MARCHF11: variants seen among roughly 807,000 people sequenced by gnomAD.
MARCHF11 encodes the protein membrane associated ring-CH-type finger 11, also known as E3 ubiquitin-protein ligase MARCHF11.
A neutral mutation model predicts 37.3 loss-of-function variants in MARCHF11; 29 were observed. That is an observed-to-expected ratio of 0.78 (90% confidence interval 0.58 to 1.06). The LOEUF (loss-of-function observed/expected upper bound fraction) is 1.06, where lower values mean the gene tolerates loss of function less well. Among genes scored for constraint, MARCHF11 ranks in the 50% least tolerant of loss-of-function variants. MARCHF11 has a pLI of 0.00. For missense variants in MARCHF11, 482 were observed against 533.4 expected, an observed-to-expected ratio of 0.90 and a Z score of 0.95; for synonymous variants, 233 against 228.0, an observed-to-expected ratio of 1.02 and a Z score of -0.20.
intron 2 of MARCHF11, among the ~76,000 whole-genome samples, chr5:16,102,813 GTTCCTGCCAGGA>G (rs1736980372): frequency 6.6e-6 from 1 of 152,176 alleles, no homozygotes; most frequent in Admixed American, 6.5e-5. Context: ...TTTGGGGTTT[GTTCCTGCCAGGA>G]CCCAAAGGCA....
chr5:16,126,823 C>T (rs1013470496), intron 2 of MARCHF11, among the ~76,000 whole-genome samples: 3 of 152,272 alleles, frequency 2.0e-5, no homozygotes, highest in South Asian at 2.1e-4. Context: ...CCTTAAGGAA[C>T]GGTATTTTCA....
intron 2 of MARCHF11, among the ~76,000 whole-genome samples, chr5:16,161,761 T>C (rs1738081336): frequency 6.6e-6 from 1 of 151,998 alleles, no homozygotes; most frequent in African/African-American, 2.4e-5. Context: ...CCATTGTGTG[T>C]CTTTCCCAGT....
intron 2 of MARCHF11, among the ~76,000 whole-genome samples, chr5:16,115,353 A>G (rs1008853786): frequency 6.6e-6 from 1 of 152,184 alleles, no homozygotes; most frequent in Admixed American, 6.5e-5. Context: ...CTTCCTTCTC[A>G]GCTGAGGACG....
At chr5:16,115,178 G>C (rs1350832321) in intron 2 of MARCHF11, among the ~76,000 whole-genome samples, 3 of 152,168 alleles carry the variant, frequency 2.0e-5, no homozygotes, top group African/African-American at 7.2e-5. Flanking sequence ...ATGAAGTATC[G>C]AGCCAATTTA....
intron 2 of MARCHF11, among the ~76,000 whole-genome samples, chr5:16,174,416 C>G (rs1240805150): frequency 6.6e-6 from 1 of 152,192 alleles, no homozygotes; most frequent in African/African-American, 2.4e-5. Context: ...GGTCATGCTG[C>G]CGAGCATCAC....
intron 3 of MARCHF11, among the ~76,000 whole-genome samples, chr5:16,070,073 A>G (rs1231843086): frequency 6.6e-6 from 1 of 152,228 alleles, no homozygotes; most frequent in Non-Finnish European, 1.5e-5. Context: ...TCATCATAAC[A>G]ATTTCAAATA....
chr5:16,131,833 G>A (rs1163700491), intron 2 of MARCHF11, among the ~76,000 whole-genome samples: 1 of 152,208 alleles, frequency 6.6e-6, no homozygotes, highest in East Asian at 1.9e-4. Context: ...TACCTACTCA[G>A]TTCTAACTTT....
intron 3 of MARCHF11, 56 bp from the exon 4 acceptor site, chr5:16,067,849 G>GTGTT: frequency 6.9e-7 from 1 of 1,457,392 alleles, no homozygotes; most frequent in Non-Finnish European, 9.2e-7. Flanking sequence ...AAGGCTGGGA[G>GTGTT]TGTTATTTTG....
intron 2 of MARCHF11, among the ~76,000 whole-genome samples, chr5:16,132,138 A>G (rs1737527960): frequency 6.6e-6 from 1 of 152,250 alleles, no homozygotes; most frequent in Admixed American, 6.5e-5. Flanking sequence ...GGATGTGTAT[A>G]AGACTATAAA....
chr5:16,096,782 C>T (rs1401334490), intron 2 of MARCHF11, among the ~76,000 whole-genome samples: 2 of 152,198 alleles, frequency 1.3e-5, no homozygotes, highest in African/African-American at 4.8e-5. Context: ...GAAAGACATA[C>T]ACTCCATCAG....
intron 2 of MARCHF11, among the ~76,000 whole-genome samples, chr5:16,131,660 C>T (rs1309858680): frequency 2.6e-5 from 4 of 152,136 alleles, no homozygotes; most frequent in South Asian, 2.1e-4. Context: ...CTCTGGGATT[C>T]GGTTTCCTCT....
At chr5:16,103,133 A>C (rs1267960846) in intron 2 of MARCHF11, among the ~76,000 whole-genome samples, 6 of 148,044 alleles carry the variant, frequency 4.1e-5, no homozygotes, top group Admixed American at 4.0e-4. Context: ...ACAAAACTCC[A>C]CAAAAGTCTA....
At chr5:16,132,485 A>G (rs1271857944) in intron 2 of MARCHF11, among the ~76,000 whole-genome samples, 1 of 152,208 alleles carries the variant, frequency 6.6e-6, no homozygotes, top group Non-Finnish European at 1.5e-5. Flanking sequence ...TCAATGATGG[A>G]CAGTTTGTAC....
chr5:16,174,164 T>C (rs1024711375), intron 2 of MARCHF11, among the ~76,000 whole-genome samples: 3 of 152,172 alleles, frequency 2.0e-5, no homozygotes, highest in Non-Finnish European at 2.9e-5. Flanking sequence ...GTAAAATTGA[T>C]CTTATATGTC....
At chr5:16,146,594 G>A (rs1258527950) in intron 2 of MARCHF11, among the ~76,000 whole-genome samples, 1 of 152,138 alleles carries the variant, frequency 6.6e-6, no homozygotes, top group Non-Finnish European at 1.5e-5. Flanking sequence ...AGTATATGAT[G>A]TCTAAGGTAC....
chr5:16,068,523 C>CTCCA (rs1165235252), intron 3 of MARCHF11, among the ~76,000 whole-genome samples: 1 of 152,204 alleles, frequency 6.6e-6, no homozygotes, highest in African/African-American at 2.4e-5. Context: ...GGCAGGCTTG[C>CTCCA]TCCAGGGTCC....
chr5:16,123,131 T>C (rs1737340057), intron 2 of MARCHF11, among the ~76,000 whole-genome samples: 1 of 152,208 alleles, frequency 6.6e-6, no homozygotes, highest in Non-Finnish European at 1.5e-5. Context: ...ATTGCCCGCA[T>C]ACAGTATGTT....
intron 2 of MARCHF11, among the ~76,000 whole-genome samples, chr5:16,127,496 T>C (rs752380248): frequency 6.6e-6 from 1 of 152,136 alleles, no homozygotes; most frequent in Non-Finnish European, 1.5e-5. Context: ...ACTTTGAGAT[T>C]TGCCCCCAAA....
intron 2 of MARCHF11, among the ~76,000 whole-genome samples, chr5:16,124,743 A>T (rs1179301247): frequency 7.1e-6 from 1 of 141,780 alleles, no homozygotes; most frequent in Non-Finnish European, 1.6e-5. Flanking sequence ...CATGTCAGTG[A>T]TACCTACAGA....
Sources: allele counts gnomAD v4.1 joint callset (sites outside exome capture counted in the v4.1 genomes callset), GRCh38; gene constraint gnomAD v4.1.1; transcripts MANE v1.5; gene names NCBI Gene and HGNC (gene_info 2026-07-23, HGNC 2026-07-21).